Variants in SLC30A10 observed in about 807,000 individuals in gnomAD.
SLC30A10 encodes solute carrier family 30 member 10.
SLC30A10 carries 8 observed loss-of-function variants against 21.7 expected under a neutral mutation model. That is an observed-to-expected ratio of 0.37 (90% confidence interval 0.22 to 0.67). The LOEUF (loss-of-function observed/expected upper bound fraction) is 0.67. Among genes scored for constraint, SLC30A10 ranks in the 30% least tolerant of loss-of-function variants. The pLI is 0.58. For synonymous variants in SLC30A10, 272 were observed against 279.4 expected (o/e 0.97, Z 0.26); for missense variants, 521 against 642.5 (o/e 0.81, Z 2.04).
rs530438440 is a variant in SLC30A10, at chr1:219,949,221, T to G, written n.80+9347A>C. Among the ~76,000 whole-genome samples, 22 of 152,298 alleles carry G rather than the reference T, an allele frequency of 1.4e-4. No homozygotes were observed. The East Asian group carries it at 3.7e-3, about 25-fold the overall frequency. On this transcript the variant is annotated intron_variant and non_coding_transcript_variant, in intron 1 of 8. Transcript: ENST00000484239. Reference sequence around the variant, plus strand: ...TGGTGATTCCTCAGGGATCTAGAACTAGAAATACCATTTGACCCAGCCATC... The same window carrying G: ...TGGTGATTCCTCAGGGATCTAGAACGAGAAATACCATTTGACCCAGCCATC...
chr1:219,952,967 G>C (rs778344650), intron 1 of SLC30A10, among the ~76,000 whole-genome samples: 1 of 152,114 alleles, frequency 6.6e-6, no homozygotes, highest in Non-Finnish European at 1.5e-5. Flanking sequence ...GAAGTAAGAG[G>C]TTAGGTAAGC....
intron 1 of SLC30A10, among the ~76,000 whole-genome samples, chr1:219,949,558 G>A (rs552069520): frequency 2.6e-5 from 4 of 152,042 alleles, no homozygotes; most frequent in Non-Finnish European, 5.9e-5. Context: ...ATTGAACAAT[G>A]AGAATACATG....
intron 1 of SLC30A10, among the ~76,000 whole-genome samples, chr1:219,935,348 C>T (rs893979010): frequency 1.1e-4 from 16 of 152,146 alleles, no homozygotes; most frequent in African/African-American, 3.9e-4. Context: ...ACTATATGAA[C>T]ATGAAAAAAG....
chr1:219,949,478 A>G (rs1186567859), intron 1 of SLC30A10, among the ~76,000 whole-genome samples: 1 of 152,162 alleles, frequency 6.6e-6, no homozygotes, highest in Non-Finnish European at 1.5e-5. Context: ...GAAATTGGAA[A>G]CCATCATTCT....
rs150520880 is a variant in SLC30A10, at chr1:219,919,484, G to GC, written c.719-991dup. ...ATCTGAACCTGCGTTTTAAAAAGAT[G>GC]CCCAGGTGAGTCTGGGCGTGGTGGC... On this transcript the variant is annotated intron_variant, in intron 2 of 3. Coordinates refer to ENST00000366926, the MANE Select transcript of SLC30A10 (RefSeq NM_018713.3). Among the ~76,000 whole-genome samples, 156 of 152,172 alleles carry GC rather than the reference G, an allele frequency of 1.0e-3. 5 individuals carry two copies. The East Asian group carries it at 0.029, about 28-fold the overall frequency.
rs565244520 is a variant in SLC30A10, at chr1:219,946,236, A to G, written n.80+12332T>C. ...TTGTGTCACTATATAATTGCCAATG[A>G]GCAATATTGAACATTTGGGGGCCTC... On this transcript the variant is annotated intron_variant and non_coding_transcript_variant, in intron 1 of 8. Coordinates refer to the SLC30A10 transcript ENST00000484239. Among the ~76,000 whole-genome samples the G allele has an allele frequency of 5.9e-5, 9 of 152,330 alleles. No homozygotes were observed. In the South Asian group the frequency reaches 1.0e-3, roughly 18 times the overall value.
chr1:219,911,934 C>A lies in SLC30A10; in HGVS notation c.*3515G>T, dbSNP rs1173217143. Reference sequence around the variant, plus strand: ...GCGGTCAGGGGTGCAGCTAAACATCCTACAGTACACAACCCACACATCAGG... The same window carrying A: ...GCGGTCAGGGGTGCAGCTAAACATCATACAGTACACAACCCACACATCAGG... On this transcript the variant is annotated 3_prime_UTR_variant, in exon 4 of 4. Transcript: ENST00000366926. Among the ~76,000 whole-genome samples the A allele has an allele frequency of 6.6e-6, 1 of 151,916 alleles. No homozygotes were observed. The highest frequency in any genetic ancestry group is 2.4e-5 in the African/African-American group (1 of 41,362).
upstream of SLC30A10, among the ~76,000 whole-genome samples, chr1:219,932,546 G>A (rs1209102974): frequency 6.6e-6 from 1 of 151,944 alleles, no homozygotes; most frequent in Non-Finnish European, 1.5e-5. Context: ...AATTCTTATT[G>A]TGGATGAAGT....
At chr1:219,953,266 AC>A (rs1660293373) in intron 1 of SLC30A10, among the ~76,000 whole-genome samples, 5 of 152,138 alleles carry the variant, frequency 3.3e-5, no homozygotes, top group Admixed American at 3.3e-4. Flanking sequence ...AACTCAGGTA[AC>A]CTATGCCTAG....
chr1:219,943,597 G>T (rs540743645), intron 1 of SLC30A10, among the ~76,000 whole-genome samples: 2 of 152,300 alleles, frequency 1.3e-5, no homozygotes, highest in South Asian at 2.1e-4. Flanking sequence ...TAACCTGAGT[G>T]TAAAAAAGAC....
At chr1:219,946,089 T>C (rs899621574) in intron 1 of SLC30A10, among the ~76,000 whole-genome samples, 3 of 152,350 alleles carry the variant, frequency 2.0e-5, no homozygotes, top group South Asian at 4.1e-4. Flanking sequence ...TTCAAAGATA[T>C]TTAATTTTGA....
chr1:219,929,614 G>C (rs553788199), upstream of SLC30A10, among the ~76,000 whole-genome samples: 2 of 152,014 alleles, frequency 1.3e-5, no homozygotes, highest in African/African-American at 4.8e-5. Flanking sequence ...TCCGCCTCTC[G>C]GATTCAAGCG....
At chr1:219,947,118 G>T (rs1311878648) in intron 1 of SLC30A10, among the ~76,000 whole-genome samples, 10 of 152,112 alleles carry the variant, frequency 6.6e-5, no homozygotes, top group Non-Finnish European at 1.3e-4. Context: ...TAAGGAGCCA[G>T]CCCCTACCTC....
chr1:219,930,849 C>T (rs558047891), upstream of SLC30A10, among the ~76,000 whole-genome samples: 1 of 152,168 alleles, frequency 6.6e-6, no homozygotes, highest in Non-Finnish European at 1.5e-5. Context: ...GTGTAAAATG[C>T]TTAAAATAGT....
chr1:219,926,784 T>C (rs1467954134), intron 2 of SLC30A10, among the ~76,000 whole-genome samples: 1 of 152,184 alleles, frequency 6.6e-6, no homozygotes, highest in Non-Finnish European at 1.5e-5. Context: ...AATATTAATA[T>C]GTGCAGCTCT....
upstream of SLC30A10, among the ~76,000 whole-genome samples, chr1:219,931,193 T>C (rs1271837019): frequency 1.3e-5 from 2 of 152,170 alleles, no homozygotes; most frequent in Non-Finnish European, 2.9e-5. Flanking sequence ...TCAGCAGAAA[T>C]GTATCACTGG....
chr1:219,956,544 G>C (rs28602468), intron 1 of SLC30A10, among the ~76,000 whole-genome samples: 1 of 151,650 alleles, frequency 6.6e-6, no homozygotes, highest in Non-Finnish European at 1.5e-5. Context: ...CCAGACACTG[G>C]GGCACACACC....
intron 2 of SLC30A10, among the ~76,000 whole-genome samples, chr1:219,923,663 T>G (rs779755866): frequency 3.3e-5 from 5 of 152,240 alleles, no homozygotes; most frequent in Middle Eastern, 3.2e-3. Flanking sequence ...TCATGTTTGA[T>G]CCTATTAAAT....
Position 219,912,889 on chromosome 1 carries a change from G to A in SLC30A10, c.*2560C>T, listed in dbSNP as rs917749396. Among the ~76,000 whole-genome samples, 1 of 152,142 alleles carries A rather than the reference G, an allele frequency of 6.6e-6. No individual in the cohort carries two copies. Among genetic ancestry groups the A allele is most frequent in the African/African-American group, 2.4e-5 (1 of 41,526 alleles). ...TTATGTCAGTTCTTTAAAAAAAGGC[G>A]GGGAGGAGGGGATTTTCTGTAAATA... On this transcript the variant is annotated 3_prime_UTR_variant, in exon 4 of 4. Coordinates refer to ENST00000366926, the MANE Select transcript of SLC30A10 (RefSeq NM_018713.3).
Sources: gnomAD v4.1 joint callset for allele counts (sites outside exome capture counted in the v4.1 genomes callset) on GRCh38, gnomAD v4.1.1 for gene constraint, MANE v1.5 for transcripts, NCBI Gene and HGNC (gene_info 2026-07-23, HGNC 2026-07-21) for gene names.